Variants in ADK observed in about 807,000 individuals in gnomAD.
ADK encodes the protein adenosine kinase.
Under a neutral mutation model 44.7 loss-of-function variants are expected in ADK, and 24 were observed. That is an observed-to-expected ratio of 0.54 (90% confidence interval 0.39 to 0.76). The LOEUF (loss-of-function observed/expected upper bound fraction) is 0.76, where lower values mean the gene tolerates loss of function less well. Ranked by LOEUF, ADK falls within the 30% of genes least tolerant of loss-of-function variation. The pLI, the probability that ADK is intolerant of heterozygous loss-of-function variation, is 0.00. For synonymous variants in ADK, 128 were observed against 142.6 expected (o/e 0.90, Z 0.73); for missense variants, 321 against 425.1 (o/e 0.76, Z 2.15).
chr10:74,638,084 T>A (rs986666447), intron 9 of ADK, among the ~76,000 whole-genome samples: 1 of 152,182 alleles, frequency 6.6e-6, no homozygotes, highest in Non-Finnish European at 1.5e-5. Flanking sequence ...AAAATATTTA[T>A]ACAAGACTTG....
At chr10:74,170,133 T>C (rs1842120156) in intron 1 of ADK, among the ~76,000 whole-genome samples, 1 of 152,164 alleles carries the variant, frequency 6.6e-6, no homozygotes, top group South Asian at 2.1e-4. Context: ...GAATTCATAT[T>C]AAATGAGGGT....
chr10:74,527,372 CA>C (rs35990549), intron 7 of ADK, among the ~76,000 whole-genome samples: 66,218 of 138,502 alleles, frequency 0.48, 15,375 homozygotes, highest in East Asian at 0.75. Context: ...AACAAACAAA[CA>C]AAAAAAAAAA....
At chr10:74,233,846 T>C (rs1228041857) in intron 3 of ADK, among the ~76,000 whole-genome samples, 2 of 152,216 alleles carry the variant, frequency 1.3e-5, no homozygotes, top group Non-Finnish European at 1.5e-5. Flanking sequence ...ATAATGATCT[T>C]TCCTGTCAAT....
At chr10:74,612,961 T>C (rs1416904372) in intron 9 of ADK, among the ~76,000 whole-genome samples, 1 of 152,120 alleles carries the variant, frequency 6.6e-6, no homozygotes, top group Non-Finnish European at 1.5e-5. Flanking sequence ...ACTTCTGGGT[T>C]CTCTATTTTG....
At chr10:74,503,729 TGGAA>T (rs2133460916) in intron 6 of ADK, among the ~76,000 whole-genome samples, 1 of 152,278 alleles carries the variant, frequency 6.6e-6, no homozygotes, top group South Asian at 2.1e-4. Context: ...CTAATTTTTG[TGGAA>T]GGTTTAAGTT....
At chr10:74,395,274 C>T (rs116139083) in intron 5 of ADK, among the ~76,000 whole-genome samples, 1,867 of 152,142 alleles carry the variant, frequency 0.012, 46 homozygotes, top group African/African-American at 0.04. Context: ...CTCTCCACCA[C>T]GACCTTGCTC....
chr10:74,298,596 A>G (rs1839895794), intron 3 of ADK, among the ~76,000 whole-genome samples: 1 of 152,022 alleles, frequency 6.6e-6, no homozygotes, highest in Admixed American at 6.6e-5. Flanking sequence ...TTTCAAAAAT[A>G]AAAATAAAAA....
chr10:74,165,681 T>A (rs182917004), intron 1 of ADK, among the ~76,000 whole-genome samples: 15 of 151,878 alleles, frequency 9.9e-5, no homozygotes, highest in Admixed American at 7.2e-4. Flanking sequence ...TGTGTCTTGC[T>A]GTTTATATTA....
intron 4 of ADK, among the ~76,000 whole-genome samples, chr10:74,364,690 G>A (rs1564677912): frequency 1.8e-4 from 1 of 5,580 alleles, no homozygotes; most frequent in Non-Finnish European, 6.3e-4. Flanking sequence ...AGGCTATGGT[G>A]TGTGTGTGTG....
At chr10:74,623,432 C>T (rs1159916441) in intron 9 of ADK, among the ~76,000 whole-genome samples, 1 of 152,050 alleles carries the variant, frequency 6.6e-6, no homozygotes, top group Admixed American at 6.6e-5. Flanking sequence ...TACTAAACTA[C>T]ATCCAGAGGC....
intron 7 of ADK, among the ~76,000 whole-genome samples, chr10:74,549,267 A>G (rs926364659): frequency 6.6e-6 from 1 of 152,202 alleles, no homozygotes; most frequent in East Asian, 1.9e-4. Flanking sequence ...ATAAATGTAC[A>G]TGGTGTTGTG....
At chr10:74,205,802 A>C (rs1434849935) in intron 2 of ADK, among the ~76,000 whole-genome samples, 1 of 152,148 alleles carries the variant, frequency 6.6e-6, no homozygotes, top group African/African-American at 2.4e-5. Flanking sequence ...GACAAAATCT[A>C]ATATCTATTC....
chr10:74,360,131 G>A (rs1842287987), intron 4 of ADK, among the ~76,000 whole-genome samples: 1 of 152,138 alleles, frequency 6.6e-6, no homozygotes, highest in Non-Finnish European at 1.5e-5. Flanking sequence ...GCAGTTGGAT[G>A]AAATGTTCTG....
At chr10:74,309,114 A>G (rs1225619619) in intron 3 of ADK, among the ~76,000 whole-genome samples, 1 of 152,060 alleles carries the variant, frequency 6.6e-6, no homozygotes, top group East Asian at 1.9e-4. Flanking sequence ...AGATAAGGAG[A>G]AAAATGACAC....
intron 7 of ADK, among the ~76,000 whole-genome samples, chr10:74,568,130 T>A (rs180862254): frequency 1.1e-3 from 164 of 152,176 alleles, no homozygotes; most frequent in Non-Finnish European, 2.1e-3. Context: ...GTTAAAAGAT[T>A]ATGAGGTGGG....
At chr10:74,637,145 G>A (rs1853646541) in intron 9 of ADK, among the ~76,000 whole-genome samples, 2 of 152,126 alleles carry the variant, frequency 1.3e-5, no homozygotes, top group Admixed American at 1.3e-4. Context: ...TTTCATCTGA[G>A]TGGACATTAA....
At chr10:74,315,479 TGAGA>T (rs1374827412) in intron 4 of ADK, among the ~76,000 whole-genome samples, 2 of 152,178 alleles carry the variant, frequency 1.3e-5, no homozygotes, top group Non-Finnish European at 2.9e-5. Flanking sequence ...TAATCTTGAT[TGAGA>T]GAGTTAGTGA....
intron 4 of ADK, among the ~76,000 whole-genome samples, chr10:74,326,431 CAA>C (rs34807188): frequency 0.18 from 23,606 of 129,882 alleles, 2,169 homozygotes; most frequent in African/African-American, 0.3. Flanking sequence ...CTTGTTTCTA[CAA>C]AAAAAAAAAA....
chr10:74,531,603 G>A (rs1849293996), intron 7 of ADK, among the ~76,000 whole-genome samples: 1 of 152,108 alleles, frequency 6.6e-6, no homozygotes, highest in Non-Finnish European at 1.5e-5. Context: ...GCACAATCAT[G>A]TCTCACTGCA....
Sources: allele counts gnomAD v4.1 joint callset (sites outside exome capture counted in the v4.1 genomes callset), GRCh38; gene constraint gnomAD v4.1.1; transcripts MANE v1.5; gene names NCBI Gene and HGNC (gene_info 2026-07-23, HGNC 2026-07-21).